CES5A: variants seen among roughly 807,000 people sequenced by gnomAD.
The protein encoded by CES5A is carboxylesterase 5A.
Under a neutral mutation model 62.9 loss-of-function variants are expected in CES5A, and 67 were observed. That is an observed-to-expected ratio of 1.07 (90% CI 0.88 to 1.31). The LOEUF (loss-of-function observed/expected upper bound fraction) is 1.31, where lower values mean the gene tolerates loss of function less well. CES5A is among the 50% of genes most tolerant of loss of function. The pLI is 0.00. For missense variants in CES5A, 748 were observed against 708.5 expected (o/e 1.06, Z -0.63); for synonymous variants, 296 against 280.8 (o/e 1.05, Z -0.54).
chr16:55,891,930 C>T (rs1347049669), intron 1 of CES5A, among the ~76,000 whole-genome samples: 2 of 152,122 alleles, frequency 1.3e-5, no homozygotes, highest in East Asian at 1.9e-4. Flanking sequence ...TTTGAAATGG[C>T]CCTGCAAAGC....
chr16:55,904,556 C>G (rs1285309932), intron 1 of CES5A, among the ~76,000 whole-genome samples: 2 of 152,216 alleles, frequency 1.3e-5, no homozygotes, highest in Non-Finnish European at 2.9e-5. Flanking sequence ...TTACCACCAC[C>G]TGACCAGTGA....
chr16:55,893,458 A>T lies in CES5A; in HGVS notation c.-255-19421T>A, dbSNP rs1488878204. Among the ~76,000 whole-genome samples, 9 of 152,226 alleles carry T rather than the reference A, an allele frequency of 5.9e-5. No individual in the cohort carries two copies. In the South Asian group the frequency reaches 1.9e-3, roughly 32 times the overall value. ...ACTTTAAGGTGATTACTATGAGCACATTTAAAAATTTAGAGGGGAAATTGG... is the reference window on the plus strand; with the variant it reads ...ACTTTAAGGTGATTACTATGAGCACTTTTAAAAATTTAGAGGGGAAATTGG... On this transcript the variant is annotated intron_variant, in intron 1 of 12. Coordinates refer to the CES5A transcript ENST00000518005.
rs1271430060 is a variant in CES5A, at chr16:55,861,427, C to T, written c.900G>A (p.Leu300=). The T allele has an allele frequency of 6.2e-7, 1 of 1,612,276 alleles. No individual in the cohort carries two copies. Among genetic ancestry groups the T allele is most frequent in the East Asian group, 2.2e-5 (1 of 44,880 alleles). The part of the protein sequence containing the change: ...RCLRTKPSKE[L]LTLSQKTKSF... ...CTGTCCTCACCTGGCTGAGGGTCAG[C>T]AGCTCCTTGGAGGGTTTTGTCCTCA... Residue 300 remains leucine (L), a synonymous_variant, in exon 7 of 13, where the codon CTG becomes CTA. Transcript: ENST00000290567.
chr16:55,934,164 C>T (rs2012717195), intron 2 of CES5A, among the ~76,000 whole-genome samples: 1 of 152,186 alleles, frequency 6.6e-6, no homozygotes, highest in Admixed American at 6.5e-5. Flanking sequence ...CCCCTTTACT[C>T]TATCAACACT....
intron 1 of CES5A, among the ~76,000 whole-genome samples, chr16:55,914,658 T>G (rs1352845651): frequency 1.3e-5 from 2 of 152,182 alleles, no homozygotes; most frequent in African/African-American, 4.8e-5. Context: ...ACGAAATCCC[T>G]GATAACTTTC....
chr16:55,933,610 G>A (rs1422162614), intron 2 of CES5A, among the ~76,000 whole-genome samples: 5 of 151,936 alleles, frequency 3.3e-5, no homozygotes, highest in African/African-American at 1.2e-4. Context: ...ACTTTAAGTG[G>A]GTGAATTATC....
chr16:55,891,034 C>A (rs536528649), intron 1 of CES5A, among the ~76,000 whole-genome samples: 3 of 152,092 alleles, frequency 2.0e-5, no homozygotes, highest in Admixed American at 1.3e-4. Flanking sequence ...TTCCGATTAT[C>A]TGCTCCACCC....
rs190721047 is a variant in CES5A, at chr16:55,875,254, C to T, written c.-33G>A. 16 of 1,604,050 alleles carry T rather than the reference C, an allele frequency of 1.0e-5. No individual in the cohort carries two copies. The East Asian group carries it at 1.6e-4, about 16-fold the overall frequency. On this transcript the variant is annotated 5_prime_UTR_variant, in exon 1 of 13. Coordinates refer to ENST00000290567, the MANE Select transcript of CES5A (RefSeq NM_001143685.2). ...CCTGCCTGCACTCTGTGAACATTGA[C>T]GGCGGCTGCTGGCCTCAGAGAGCTT...
Position 55,859,652 on chromosome 16 carries a change from A to G in CES5A, c.951T>C (p.Ala317=). 6.2e-7 allele frequency: 1 copy of G among 1,613,346 alleles called. No homozygotes were observed. The highest frequency in any genetic ancestry group is 8.5e-7 in the Non-Finnish European group (1 of 1,179,736). The change falls in exon 8 of 13, where the codon GCT becomes GCC. Residue 317 remains alanine (A), a synonymous_variant. Coordinates refer to ENST00000290567, the MANE Select transcript of CES5A (RefSeq NM_001143685.2). ...TKSFTRVVDG[A]FFPNEPLDLL... is the part of the protein sequence containing the mutation. ...GATCTAGAGGCTCATTAGGAAAGAA[A>G]GCACCATCAACCACTCGAGTGAAAG... is the stretch of plus-strand genomic sequence containing the variant.
chr16:55,854,037 T>C (rs1422293013), intron 9 of CES5A, among the ~76,000 whole-genome samples: 4 of 152,082 alleles, frequency 2.6e-5, no homozygotes, highest in Middle Eastern at 3.2e-3. Context: ...GTCCAGTCTA[T>C]GGTATAAGGG....
intron 2 of CES5A, among the ~76,000 whole-genome samples, chr16:55,948,084 G>A (rs1271491772): frequency 6.6e-6 from 1 of 152,078 alleles, no homozygotes; most frequent in African/African-American, 2.4e-5. Flanking sequence ...AAAAGAAAAT[G>A]TAAAAGAAGA....
intron 5 of CES5A, among the ~76,000 whole-genome samples, chr16:55,865,274 TATATAG>T (rs532737820): frequency 1.9e-3 from 289 of 152,282 alleles, no homozygotes; most frequent in African/African-American, 3.7e-3. Context: ...ACTATACAAA[TATATAG>T]ATATAGATAT....
upstream of CES5A, among the ~76,000 whole-genome samples, chr16:55,928,432 A>T (rs1456235292): frequency 2.0e-5 from 3 of 152,072 alleles, no homozygotes; most frequent in Non-Finnish European, 4.4e-5. Flanking sequence ...GAAGGGTGGG[A>T]GGGGGATAAG....
At chr16:55,895,402 C>G (rs1439658789) in intron 1 of CES5A, among the ~76,000 whole-genome samples, 1 of 152,248 alleles carries the variant, frequency 6.6e-6, no homozygotes, top group African/African-American at 2.4e-5. Context: ...GCGTGGGAGC[C>G]CAGCCCTCAC....
chr16:55,851,077 T>C (rs1161538587), intron 10 of CES5A, among the ~76,000 whole-genome samples: 1 of 152,202 alleles, frequency 6.6e-6, no homozygotes, highest in Non-Finnish European at 1.5e-5. Flanking sequence ...TACCCTTGAA[T>C]TTGGCAGTGG....
chr16:55,866,777 G>A (rs1400773315), intron 4 of CES5A, among the ~76,000 whole-genome samples: 2 of 151,918 alleles, frequency 1.3e-5, no homozygotes, highest in East Asian at 1.9e-4. Flanking sequence ...GGCGGAGCTT[G>A]CAGTGAGCTG....
chr16:55,924,433 C>A (rs2034238962), intron 1 of CES5A, among the ~76,000 whole-genome samples: 1 of 151,626 alleles, frequency 6.6e-6, no homozygotes, highest in Non-Finnish European at 1.5e-5. Context: ...CACACACACA[C>A]AAAGAAATAT....
At chr16:55,872,994 G>C (rs187432325) in intron 2 of CES5A, among the ~76,000 whole-genome samples, 72 of 152,262 alleles carry the variant, frequency 4.7e-4, no homozygotes, top group Non-Finnish European at 7.9e-4. Context: ...ACAAACAAAT[G>C]AGTTTCAGCT....
chr16:55,859,617 T>C lies in CES5A; in HGVS notation c.986A>G (p.Gln329Arg). Residue 329 changes from glutamine (Q) to arginine (R), a missense_variant, in exon 8 of 13, where the codon CAG becomes CGG. Transcript: ENST00000290567. ...FPNEPLDLLSQKAFKAIPSII... is the reference protein window; with the variant it reads ...FPNEPLDLLSRKAFKAIPSII... ...GGAAGGAATTGCTTTAAATGCTTTC[T>C]GAGACAATAGATCTAGAGGCTCATT... 6.2e-7 allele frequency: 1 copy of C among 1,613,804 alleles called. No individual in the cohort carries two copies. The highest frequency in any genetic ancestry group is 1.1e-5 in the South Asian group (1 of 90,982).
Sources: gnomAD v4.1 joint callset for allele counts (sites outside exome capture counted in the v4.1 genomes callset) on GRCh38, gnomAD v4.1.1 for gene constraint, MANE v1.5 for transcripts, NCBI Gene and HGNC (gene_info 2026-07-23, HGNC 2026-07-21) for gene names.